The following FAM107A variants were observed in gnomAD, a reference collection of about 807,000 sequenced individuals.
FAM107A encodes actin-associated protein FAM107A.
A neutral mutation model predicts 13.7 loss-of-function variants in FAM107A; 19 were observed. That is an observed-to-expected ratio of 1.38 (90% CI 0.97 to 2.03). The LOEUF (loss-of-function observed/expected upper bound fraction) is 2.03, where lower values mean the gene tolerates loss of function less well. Among genes scored for constraint, FAM107A ranks in the 30% most tolerant of loss-of-function variants. FAM107A has a pLI of 0.00. For synonymous variants in FAM107A, 82 were observed against 74.5 expected, an observed-to-expected ratio of 1.10 and a Z score of -0.52; for missense variants, 203 against 184.4, an observed-to-expected ratio of 1.10 and a Z score of -0.58.
upstream of FAM107A, among the ~76,000 whole-genome samples, chr3:58,582,412 T>G (rs2065558471): frequency 6.6e-6 from 1 of 152,216 alleles, no homozygotes; most frequent in Admixed American, 6.5e-5. Flanking sequence ...TTGTCCATAG[T>G]GCAGAGAGAT....
intron 1 of FAM107A, among the ~76,000 whole-genome samples, chr3:58,622,642 T>C (rs1475076377): frequency 6.6e-6 from 1 of 152,150 alleles, no homozygotes; most frequent in East Asian, 1.9e-4. Flanking sequence ...GCGGCTGGAA[T>C]GCAGAGAAGT....
At chr3:58,568,214 C>T (rs1034862195) in intron 2 of FAM107A, among the ~76,000 whole-genome samples, 10 of 152,176 alleles carry the variant, frequency 6.6e-5, no homozygotes, top group Admixed American at 5.2e-4. Flanking sequence ...GAGGGCGGAT[C>T]ACGAGGTCAG....
intron 1 of FAM107A, among the ~76,000 whole-genome samples, chr3:58,616,966 G>A (rs2065907760): frequency 6.6e-6 from 1 of 152,150 alleles, no homozygotes; most frequent in South Asian, 2.1e-4. Flanking sequence ...TAGAGACGGG[G>A]TTTCACTGTG....
rs960321821 is a variant in FAM107A at position 58,565,092 on chromosome 3, C to A, written c.*1496G>T. 2.6e-5 allele frequency: 4 copies of A among 152,168 alleles called. No homozygotes were observed. Among genetic ancestry groups the A allele is most frequent in the Admixed American group, 6.5e-5 (1 of 15,278 alleles). The allele number at this position is 152,168 out of a possible 1,614,324, so 9.4% of individuals were successfully genotyped here. On this transcript the variant is annotated 3_prime_UTR_variant, in exon 4 of 4. Coordinates refer to ENST00000360997, the MANE Select transcript of FAM107A (RefSeq NM_001076778.3). Reference sequence around the variant, plus strand: ...ATGCTATTCCAGCACTGCTCTGTCACCTTAGATGATGGGTTTAGGAAGCCA... The same window carrying A: ...ATGCTATTCCAGCACTGCTCTGTCAACTTAGATGATGGGTTTAGGAAGCCA...
At chr3:58,595,868 C>T (rs1299769496) in intron 1 of FAM107A, among the ~76,000 whole-genome samples, 1 of 152,238 alleles carries the variant, frequency 6.6e-6, no homozygotes, top group Non-Finnish European at 1.5e-5. Flanking sequence ...GAATCTCCAC[C>T]TAGATCATTC....
upstream of FAM107A, among the ~76,000 whole-genome samples, chr3:58,590,045 C>CT (rs1248646084): frequency 1.3e-5 from 2 of 152,242 alleles, no homozygotes; most frequent in African/African-American, 4.8e-5. Flanking sequence ...ACTCTCAGAG[C>CT]TTTAAAGAGA....
At chr3:58,576,889 C>T (rs566023628) in intron 1 of FAM107A, among the ~76,000 whole-genome samples, 1 of 152,358 alleles carries the variant, frequency 6.6e-6, no homozygotes, top group East Asian at 1.9e-4. Context: ...CCCCAAATCA[C>T]ACAGCCGGTG....
At chr3:58,592,037 T>TG (rs528878755), upstream of FAM107A, among the ~76,000 whole-genome samples, 718 of 152,312 alleles carry the variant, frequency 4.7e-3, no homozygotes, top group Non-Finnish European at 8.2e-3. Context: ...CAGAATTGCC[T>TG]GGGGTCCTGG....
chr3:58,605,314 A>G (rs998376284), intron 1 of FAM107A, among the ~76,000 whole-genome samples: 1 of 152,128 alleles, frequency 6.6e-6, no homozygotes, highest in African/African-American at 2.4e-5. Flanking sequence ...GTGCCTGCAA[A>G]TCCCAGTCCT....
At chr3:58,585,472 C>T (rs531423480) in intron 1 of FAM107A, among the ~76,000 whole-genome samples, 34 of 152,358 alleles carry the variant, frequency 2.2e-4, no homozygotes, top group African/African-American at 8.2e-4. Flanking sequence ...AACTGGGTGG[C>T]GGGATCTCCC....
At chr3:58,611,785 T>G (rs1018457412) in intron 1 of FAM107A, among the ~76,000 whole-genome samples, 1 of 152,216 alleles carries the variant, frequency 6.6e-6, no homozygotes, top group Non-Finnish European at 1.5e-5. Flanking sequence ...ATAACAGTAG[T>G]GCCGACTTCA....
upstream of FAM107A, among the ~76,000 whole-genome samples, chr3:58,590,946 G>T (rs887447252): frequency 1.3e-5 from 2 of 152,150 alleles, no homozygotes; most frequent in African/African-American, 2.4e-5. Flanking sequence ...TTTTCCCTTT[G>T]CATTGGGGAC....
At chr3:58,586,477 A>G (rs1043521020) in intron 1 of FAM107A, among the ~76,000 whole-genome samples, 2 of 152,216 alleles carry the variant, frequency 1.3e-5, no homozygotes, top group African/African-American at 4.8e-5. Flanking sequence ...GTTTGAGCCC[A>G]GGAGTTGGAG....
exon 1 of FAM107A, chr3:58,587,040 A>AAG: frequency 7.3e-7 from 1 of 1,375,036 alleles, no homozygotes; most frequent in Non-Finnish European, 9.4e-7. Flanking sequence ...ACGCGGCCCC[A>AAG]AGTCCCAAAC....
chr3:58,595,786 G>A (rs1380213497), intron 1 of FAM107A, among the ~76,000 whole-genome samples: 2 of 152,190 alleles, frequency 1.3e-5, no homozygotes, highest in African/African-American at 4.8e-5. Context: ...AGGCCAACCT[G>A]TATCCAGTGG....
upstream of FAM107A, among the ~76,000 whole-genome samples, chr3:58,580,607 T>G (rs1007626696): frequency 2.0e-5 from 3 of 151,782 alleles, no homozygotes; most frequent in Non-Finnish European, 4.4e-5. Context: ...AGAAATGAGA[T>G]CTCACTGTGT....
At chr3:58,571,634 GC>G (rs1395851278) in intron 1 of FAM107A, among the ~76,000 whole-genome samples, 12 of 152,194 alleles carry the variant, frequency 7.9e-5, no homozygotes, top group Admixed American at 5.2e-4. Flanking sequence ...GTGGGATCAA[GC>G]TCTCTGGGTG....
chr3:58,619,020 A>G (rs1238914575), intron 1 of FAM107A, among the ~76,000 whole-genome samples: 1 of 151,936 alleles, frequency 6.6e-6, no homozygotes, highest in East Asian at 1.9e-4. Context: ...TTTTTCCTTG[A>G]GACAAGATCT....
upstream of FAM107A, among the ~76,000 whole-genome samples, chr3:58,587,731 G>T (rs181020327): frequency 1.3e-5 from 2 of 152,122 alleles, no homozygotes; most frequent in African/African-American, 4.8e-5. Context: ...GGCCAATCAG[G>T]TCTAAAGGTG....
Sources: allele counts gnomAD v4.1 joint callset (sites outside exome capture counted in the v4.1 genomes callset), GRCh38; gene constraint gnomAD v4.1.1; transcripts MANE v1.5; gene names NCBI Gene and HGNC (gene_info 2026-07-23, HGNC 2026-07-21).